MARCHF5: variants seen among roughly 807,000 people sequenced by gnomAD.
MARCHF5 encodes E3 ubiquitin-protein ligase MARCHF5.
In MARCHF5, 5 loss-of-function variants were observed where a neutral mutation model predicts 36.5. The ratio of observed to expected loss-of-function variants is 0.14; its 90% CI spans 0.07 to 0.29. The LOEUF is 0.29. Ranked by LOEUF, MARCHF5 falls within the 10% of genes least tolerant of loss-of-function variation. The pLI is 1.00. For missense variants in MARCHF5, 179 were observed against 336.3 expected, an observed-to-expected ratio of 0.53 and a Z score of 3.66; for synonymous variants, 103 against 109.9, an observed-to-expected ratio of 0.94 and a Z score of 0.39.
chr10:92,330,014 T>C (rs1843417579), intron 2 of MARCHF5, among the ~76,000 whole-genome samples: 1 of 152,198 alleles, frequency 6.6e-6, no homozygotes, highest in South Asian at 2.1e-4. Context: ...AACTAACTTT[T>C]GTATTTTTAT....
intron 3 of MARCHF5, among the ~76,000 whole-genome samples, chr10:92,345,796 G>A (rs1843636575): frequency 6.6e-6 from 1 of 151,044 alleles, no homozygotes; most frequent in African/African-American, 2.4e-5. Context: ...CTGGGCTCAG[G>A]TGATCCTCCC....
intron 2 of MARCHF5, among the ~76,000 whole-genome samples, chr10:92,320,004 C>A (rs1437711250): frequency 6.8e-6 from 1 of 147,372 alleles, no homozygotes; most frequent in Non-Finnish European, 1.5e-5. Flanking sequence ...CAGAGTCTCA[C>A]TCTGTTGCCC....
At chr10:92,317,217 T>C (rs1019870150) in intron 2 of MARCHF5, among the ~76,000 whole-genome samples, 1 of 152,028 alleles carries the variant, frequency 6.6e-6, no homozygotes, top group Non-Finnish European at 1.5e-5. Context: ...CAGTTTCTCC[T>C]GCCTCGGCCT....
chr10:92,300,141 T>A (rs1238352329), intron 1 of MARCHF5, among the ~76,000 whole-genome samples: 2 of 139,132 alleles, frequency 1.4e-5, no homozygotes, highest in Admixed American at 7.4e-5. Flanking sequence ...AGCCTGGGTA[T>A]AACAAAGCAA....
At chr10:92,349,883 G>A in intron 5 of MARCHF5, 46 bp downstream of exon 5, 1 of 1,496,744 alleles carries the variant, frequency 6.7e-7, no homozygotes, top group South Asian at 1.2e-5. Flanking sequence ...AAAAGAGAAT[G>A]AAGTGTATTT....
intron 2 of MARCHF5, among the ~76,000 whole-genome samples, chr10:92,335,654 T>G (rs910314269): frequency 6.6e-6 from 1 of 152,150 alleles, no homozygotes; most frequent in African/African-American, 2.4e-5. Context: ...ACACAAGAGA[T>G]GAGTAGAAAA....
intron 2 of MARCHF5, among the ~76,000 whole-genome samples, chr10:92,320,035 A>G (rs1843271916): frequency 6.7e-6 from 1 of 149,472 alleles, no homozygotes; most frequent in Admixed American, 6.7e-5. Flanking sequence ...GCAGTGGTGC[A>G]ATCTCAGCTT....
chr10:92,307,452 G>T (rs1843089084), intron 1 of MARCHF5, among the ~76,000 whole-genome samples: 1 of 152,072 alleles, frequency 6.6e-6, no homozygotes. Context: ...TAACATATTT[G>T]GCCAGGCACA....
intron 2 of MARCHF5, among the ~76,000 whole-genome samples, chr10:92,325,889 G>T (rs1843352170): frequency 6.6e-6 from 1 of 152,144 alleles, no homozygotes; most frequent in Admixed American, 6.5e-5. Flanking sequence ...ATGTTGGCCA[G>T]GCTGGTCTCA....
At chr10:92,293,191 C>G (rs1281949802) in intron 1 of MARCHF5, among the ~76,000 whole-genome samples, 1 of 152,042 alleles carries the variant, frequency 6.6e-6, no homozygotes, top group Non-Finnish European at 1.5e-5. Context: ...CTGCAACCCC[C>G]GCCTCCCAGG....
intron 2 of MARCHF5, among the ~76,000 whole-genome samples, chr10:92,335,516 C>G (rs929273853): frequency 6.6e-6 from 1 of 152,084 alleles, no homozygotes; most frequent in East Asian, 1.9e-4. Flanking sequence ...TCTGGAAAAG[C>G]CTTAAGAGAT....
At chr10:92,332,742 A>G (rs925942228) in intron 2 of MARCHF5, among the ~76,000 whole-genome samples, 3 of 151,684 alleles carry the variant, frequency 2.0e-5, no homozygotes, top group South Asian at 4.2e-4. Flanking sequence ...GATGGTCTCA[A>G]TCTCTTGACT....
chr10:92,319,741 G>T (rs191278379), intron 2 of MARCHF5, among the ~76,000 whole-genome samples: 1 of 142,068 alleles, frequency 7.0e-6, no homozygotes, highest in Non-Finnish European at 1.5e-5. Context: ...TGCAACCTCC[G>T]CCTCCCAGGT....
At chr10:92,317,888 T>A (rs1477326402) in intron 2 of MARCHF5, among the ~76,000 whole-genome samples, 1 of 151,890 alleles carries the variant, frequency 6.6e-6, no homozygotes, top group Non-Finnish European at 1.5e-5. Context: ...GTAGCTGGGA[T>A]TACAGGCACA....
intron 1 of MARCHF5, among the ~76,000 whole-genome samples, chr10:92,292,028 C>T (rs540429758): frequency 1.3e-5 from 2 of 151,234 alleles, no homozygotes; most frequent in Non-Finnish European, 2.9e-5. Context: ...CCCGTCCCCC[C>T]CGCCCCATCC....
At chr10:92,330,121 G>T (rs879036477) in intron 2 of MARCHF5, among the ~76,000 whole-genome samples, 2 of 152,176 alleles carry the variant, frequency 1.3e-5, no homozygotes, top group Admixed American at 1.3e-4. Context: ...GGGATTACAG[G>T]CATGAGCCAC....
intron 3 of MARCHF5, among the ~76,000 whole-genome samples, chr10:92,342,411 G>A (rs1843591491): frequency 1.3e-5 from 2 of 152,136 alleles, no homozygotes; most frequent in Non-Finnish European, 2.9e-5. Context: ...GCTTCCCAAA[G>A]TGCTGGGATC....
intron 1 of MARCHF5, among the ~76,000 whole-genome samples, chr10:92,298,543 T>C (rs2135175755): frequency 6.6e-6 from 1 of 152,338 alleles, no homozygotes; most frequent in East Asian, 1.9e-4. Flanking sequence ...ACCAGTCTTC[T>C]TGTCCACCAG....
chr10:92,292,046 A>T (rs910198312), intron 1 of MARCHF5, among the ~76,000 whole-genome samples: 5 of 22,714 alleles, frequency 2.2e-4, no homozygotes, highest in African/African-American at 8.4e-4. Context: ...TCCCGTCCCC[A>T]CCTCCGAACT....
Sources: gnomAD v4.1 joint callset for allele counts (sites outside exome capture counted in the v4.1 genomes callset) on GRCh38, gnomAD v4.1.1 for gene constraint, MANE v1.5 for transcripts, NCBI Gene and HGNC (gene_info 2026-07-23, HGNC 2026-07-21) for gene names.